The following SCHIP1 variants were observed in gnomAD, a reference collection of about 807,000 sequenced individuals.
The protein encoded by SCHIP1 is schwannomin interacting protein 1, also known as schwannomin-interacting protein 1.
In SCHIP1, 8 loss-of-function variants were observed where a neutral mutation model predicts 29.7. That is an observed-to-expected ratio of 0.27 (90% CI 0.16 to 0.49). The LOEUF (loss-of-function observed/expected upper bound fraction) is 0.49. SCHIP1 is among the 20% of genes least tolerant of loss of function. The pLI, the probability that SCHIP1 is intolerant of heterozygous loss-of-function variation, is 0.99. For synonymous variants in SCHIP1, 76 were observed against 94.9 expected (o/e 0.80, Z 1.16); for missense variants, 193 against 294.6 (o/e 0.66, Z 2.52).
chr3:159,609,203 G>C, the SCHIP1 span, among the ~76,000 whole-genome samples: 1 of 152,178 alleles, frequency 6.6e-6, no homozygotes, highest in African/African-American at 2.4e-5. Flanking sequence ...CACAAAGGAA[G>C]AGCTATTCTA....
the SCHIP1 span, among the ~76,000 whole-genome samples, chr3:159,514,839 A>G: frequency 6.6e-6 from 1 of 152,128 alleles, no homozygotes; most frequent in Non-Finnish European, 1.5e-5. Flanking sequence ...TCTCAACCTT[A>G]CTATTTCCAA....
chr3:159,405,067 C>T, the SCHIP1 span, among the ~76,000 whole-genome samples: 1 of 152,146 alleles, frequency 6.6e-6, no homozygotes, highest in Non-Finnish European at 1.5e-5. Context: ...AGGAGCCACT[C>T]CATTACTGGG....
chr3:159,669,355 A>AG, the SCHIP1 span, among the ~76,000 whole-genome samples: 13 of 152,236 alleles, frequency 8.5e-5, no homozygotes, highest in Non-Finnish European at 1.6e-4. Context: ...ATGGATCATG[A>AG]CTGTCGTCAT....
chr3:159,696,084 T>C, the SCHIP1 span, among the ~76,000 whole-genome samples: 33 of 152,284 alleles, frequency 2.2e-4, no homozygotes, highest in African/African-American at 7.5e-4. Context: ...ATGCAACTTA[T>C]CACATTTTTT....
the SCHIP1 span, among the ~76,000 whole-genome samples, chr3:159,582,647 C>T: frequency 4.8e-4 from 73 of 152,026 alleles, no homozygotes; most frequent in East Asian, 0.013. Context: ...ATAAACATAA[C>T]TTTTATATGC....
chr3:159,764,811 GC>G, the SCHIP1 span: 3 of 1,580,700 alleles, frequency 1.9e-6, no homozygotes, highest in Admixed American at 1.8e-5. This position sits in a 1 kb window ranked among gnomAD's most constrained non-coding sequence, Gnocchi z 6.1. Flanking sequence ...CCGCCATGCC[GC>G]CCCCGGTGCC....
the SCHIP1 span, among the ~76,000 whole-genome samples, chr3:159,472,671 A>G: frequency 1.3e-5 from 2 of 152,178 alleles, no homozygotes; most frequent in Non-Finnish European, 2.9e-5. Context: ...CGGAGGGATA[A>G]AAAGTATGAA....
At chr3:159,643,039 G>A in the SCHIP1 span, among the ~76,000 whole-genome samples, 2 of 152,048 alleles carry the variant, frequency 1.3e-5, no homozygotes, top group Non-Finnish European at 2.9e-5. Context: ...AGGGTGGTGA[G>A]GAAAGGGCTA....
At chr3:159,562,548 C>T in the SCHIP1 span, among the ~76,000 whole-genome samples, 6 of 152,210 alleles carry the variant, frequency 3.9e-5, no homozygotes, top group Non-Finnish European at 5.9e-5. Context: ...CTTCTGGTTT[C>T]TGTGGCACAA....
At chr3:159,666,572 G>A in the SCHIP1 span, among the ~76,000 whole-genome samples, 1 of 152,240 alleles carries the variant, frequency 6.6e-6, no homozygotes, top group African/African-American at 2.4e-5. Flanking sequence ...TTGAAACAGT[G>A]AAAAGGATAA....
chr3:159,838,612 C>T (rs1466948388), upstream of SCHIP1, among the ~76,000 whole-genome samples: 1 of 152,042 alleles, frequency 6.6e-6, no homozygotes, highest in Admixed American at 6.6e-5. Context: ...CAACATGGGC[C>T]AGGCGCGGTG....
At chr3:159,675,019 G>A in the SCHIP1 span, among the ~76,000 whole-genome samples, 5 of 152,214 alleles carry the variant, frequency 3.3e-5, no homozygotes, top group Non-Finnish European at 5.9e-5. Flanking sequence ...AGGAGCCCAG[G>A]CCACAGACTG....
the SCHIP1 span, among the ~76,000 whole-genome samples, chr3:159,406,351 CA>C: frequency 1.3e-5 from 2 of 152,096 alleles, no homozygotes; most frequent in Admixed American, 6.6e-5. Context: ...ACAACAACAA[CA>C]AAAACTTTTA....
chr3:159,669,683 G>A, the SCHIP1 span, among the ~76,000 whole-genome samples: 4 of 152,236 alleles, frequency 2.6e-5, no homozygotes, highest in African/African-American at 7.2e-5. Context: ...CCTGTACTTA[G>A]AAGGTATTAA....
the SCHIP1 span, among the ~76,000 whole-genome samples, chr3:159,752,431 G>T: frequency 2.0e-5 from 3 of 151,902 alleles, no homozygotes; most frequent in African/African-American, 7.3e-5. Flanking sequence ...GTACTAGTCT[G>T]TTCTTGTATT....
the SCHIP1 span, among the ~76,000 whole-genome samples, chr3:159,585,976 G>T: frequency 1.3e-5 from 2 of 152,214 alleles, no homozygotes; most frequent in African/African-American, 4.8e-5. Flanking sequence ...ATGAATGGAT[G>T]GATGGATGGA....
the SCHIP1 span, among the ~76,000 whole-genome samples, chr3:159,570,993 T>G: frequency 6.6e-6 from 1 of 152,222 alleles, no homozygotes; most frequent in South Asian, 2.1e-4. Flanking sequence ...ATTGATTTTG[T>G]ATCCTGAGAC....
At chr3:159,486,740 G>A in the SCHIP1 span, among the ~76,000 whole-genome samples, 4 of 152,192 alleles carry the variant, frequency 2.6e-5, no homozygotes, top group African/African-American at 4.8e-5. Flanking sequence ...CTGGTTCAGC[G>A]GCTCAGCAGC....
chr3:159,734,184 C>T, the SCHIP1 span, among the ~76,000 whole-genome samples: 4 of 146,194 alleles, frequency 2.7e-5, no homozygotes, highest in Non-Finnish European at 1.5e-5. Flanking sequence ...GCTCTGTCGC[C>T]CAGACTGGAG....
Sources: allele counts gnomAD v4.1 joint callset (sites outside exome capture counted in the v4.1 genomes callset), GRCh38; gene constraint gnomAD v4.1.1; non-coding constraint Gnocchi (gnomAD v3.1); transcripts MANE v1.5; gene names NCBI Gene and HGNC (gene_info 2026-07-23, HGNC 2026-07-21).